ERCC3: variants seen among roughly 807,000 people sequenced by gnomAD.
ERCC3 encodes general transcription and DNA repair factor IIH helicase/translocase subunit XPB.
ERCC3 carries 66 observed loss-of-function variants against 94.2 expected under a neutral mutation model. The ratio of observed to expected loss-of-function variants is 0.70; its 90% CI spans 0.57 to 0.86. ERCC3 has a LOEUF of 0.86. ERCC3 is among the 40% of genes least tolerant of loss of function. The pLI, the probability that ERCC3 is intolerant of heterozygous loss-of-function variation, is 0.00. For missense variants in ERCC3, 829 were observed against 987.1 expected (o/e 0.84, Z 2.15); for synonymous variants, 349 against 369.1 (o/e 0.95, Z 0.63).
At chr2:127,292,210 T>C (rs1030851450) in intron 3 of ERCC3, 11 of 341,126 alleles carry the variant, frequency 3.2e-5, no homozygotes, top group Non-Finnish European at 6.3e-5. Context: ...TACCATTGGA[T>C]ATTAGGTTTT....
Position 127,258,519 on chromosome 2 carries a change from T to C in ERCC3, c.2217+777A>G, listed in dbSNP as rs1684091661. Among the ~76,000 whole-genome samples, 1 of 152,078 alleles carries C rather than the reference T, an allele frequency of 6.6e-6. No homozygotes were observed. Among genetic ancestry groups the C allele is most frequent in the South Asian group, 2.1e-4 (1 of 4,816 alleles). ...ATGAGAGCACTCTCCTGGGTTCCCA[T>C]GGAGAGTGCCCCCTGGGTCGGGGGA... On this transcript the variant is annotated intron_variant, in intron 14 of 14. Coordinates refer to ENST00000285398, the MANE Select transcript of ERCC3 (RefSeq NM_000122.2). This position sits in a 1 kb window ranked among gnomAD's most constrained non-coding sequence, Gnocchi z 4.1.
In ERCC3 at chr2:127,292,858, C is replaced by A. The variant is rs995243169; in HGVS notation, c.235-12G>T. ...TGGCCATCGGGAGCCTGAGAGATAC[C>A]AAATGGACAAAACAGACAAGGAAAC... On this transcript the variant is annotated splice_polypyrimidine_tract_variant and intron_variant, in intron 2 of 14. Coordinates refer to ENST00000285398, the MANE Select transcript of ERCC3 (RefSeq NM_000122.2). 2 of 1,524,012 alleles carry A rather than the reference C, an allele frequency of 1.3e-6. No individual in the cohort carries two copies. Among genetic ancestry groups the A allele is most frequent in the African/African-American group, 1.4e-5 (1 of 73,146 alleles). The allele number at this position is 1,524,012 out of a possible 1,614,324, so 94.4% of individuals were successfully genotyped here. A position where few individuals can be genotyped will look rare whatever the true frequency, so the allele number is the denominator to read the frequency against.
chr2:127,281,694 T>G (rs987633355), intron 8 of ERCC3, among the ~76,000 whole-genome samples: 3 of 152,122 alleles, frequency 2.0e-5, no homozygotes, highest in African/African-American at 7.2e-5. Flanking sequence ...TAGGGTTGCC[T>G]AACTCTAAGT....
chr2:127,290,373 A>G lies in ERCC3; in HGVS notation c.472-100T>C, dbSNP rs536443057. ...CACCTACCAACCAAGTGAAAAGTTC[A>G]TTTTACTTTAGGGAAACCCAACTTG... On this transcript the variant is annotated intron_variant, in intron 3 of 14. Coordinates refer to ENST00000285398, the MANE Select transcript of ERCC3 (RefSeq NM_000122.2). The G allele has an allele frequency of 1.2e-5, 13 of 1,050,272 alleles. No homozygotes were observed. The African/African-American group carries it at 2.0e-4, about 16-fold the overall frequency. 65.1% of individuals were successfully genotyped at this position (1,050,272 alleles called of 1,614,324 possible).
chr2:127,271,449 C>T lies in ERCC3; in HGVS notation c.1832G>A (p.Gly611Asp). Reference protein sequence around the residue: ...KINTIFISKVGDTSFDLPEAN... With the variant: ...KINTIFISKVDDTSFDLPEAN... Reference sequence around the variant, plus strand: ...TTCCGGCAGATCAAACGAAGTGTCACCTACCTACAGAAACAAGTTGGAAGG... The same window carrying T: ...TTCCGGCAGATCAAACGAAGTGTCATCTACCTACAGAAACAAGTTGGAAGG... The change falls in exon 12 of 15, where the codon GGT becomes GAT. Residue 611 changes from glycine (G) to aspartate (D), a missense_variant. Gly to Asp is a moderately conservative substitution (Grantham distance 94). Coordinates refer to ENST00000285398, the MANE Select transcript of ERCC3 (RefSeq NM_000122.2). This position sits in a 1 kb window ranked among gnomAD's most constrained non-coding sequence, Gnocchi z 5.0. 1 of 1,610,824 alleles carries T rather than the reference C, an allele frequency of 6.2e-7. No individual in the cohort carries two copies. Among genetic ancestry groups the T allele is most frequent in the Non-Finnish European group, 8.5e-7 (1 of 1,177,236 alleles).
intron 12 of ERCC3, among the ~76,000 whole-genome samples, chr2:127,266,699 A>G (rs1037683816): frequency 1.4e-5 from 2 of 146,030 alleles, no homozygotes; most frequent in East Asian, 4.1e-4. Flanking sequence ...GGCCAAACAC[A>G]TGATCAATTA....
chr2:127,281,376 G>A (rs1358045258), intron 8 of ERCC3, among the ~76,000 whole-genome samples: 1 of 152,132 alleles, frequency 6.6e-6, no homozygotes, highest in African/African-American at 2.4e-5. Flanking sequence ...AATCACTTTG[G>A]TCAACCAGCA....
At position 127,284,899 on chromosome 2, in the gene ERCC3, C is replaced by A. The variant is rs1379311542; in HGVS notation, c.1342+1804G>T. Among the ~76,000 whole-genome samples, 1 of 152,114 alleles carries A rather than the reference C, an allele frequency of 6.6e-6. No individual in the cohort carries two copies. Among genetic ancestry groups the A allele is most frequent in the Non-Finnish European group, 1.5e-5 (1 of 68,028 alleles). ...GACATGTCTCACTATGTTACCCAGGCTAATCTTAAGCTCCTGGGCTCAAGC... is the reference window on the plus strand; with the variant it reads ...GACATGTCTCACTATGTTACCCAGGATAATCTTAAGCTCCTGGGCTCAAGC... On this transcript the variant is annotated intron_variant, in intron 8 of 14. Coordinates refer to ENST00000285398, the MANE Select transcript of ERCC3 (RefSeq NM_000122.2). This position sits in a 1 kb window ranked among gnomAD's most constrained non-coding sequence, Gnocchi z 4.1.
At chr2:127,261,666 T>A in intron 12 of ERCC3, 1 of 359,060 alleles carries the variant, frequency 2.8e-6, no homozygotes, top group South Asian at 2.3e-5. Context: ...GAGAAGAATA[T>A]GAACAGATTA....
intron 12 of ERCC3, chr2:127,261,772 G>C: frequency 3.9e-6 from 1 of 256,594 alleles, no homozygotes; most frequent in South Asian, 4.7e-5. Context: ...AGCACAATGA[G>C]ATTATCACCT....
chr2:127,279,672 G>T lies in ERCC3; in HGVS notation c.1528-297C>A, dbSNP rs1684845841. Reference sequence around the variant, plus strand: ...AGCTACGCAGGAGGCTAAGGCAGGAGAATCACTTGCCCAGGAGGCGGAGGT... The same window carrying T: ...AGCTACGCAGGAGGCTAAGGCAGGATAATCACTTGCCCAGGAGGCGGAGGT... On this transcript the variant is annotated intron_variant, in intron 9 of 14. Transcript: ENST00000285398. This position sits in a 1 kb window ranked among gnomAD's most constrained non-coding sequence, Gnocchi z 4.7. Among the ~76,000 whole-genome samples, 2 of 151,976 alleles carry T rather than the reference G, an allele frequency of 1.3e-5. No homozygotes were observed. The highest frequency in any genetic ancestry group is 4.2e-4 in the South Asian group (2 of 4,812).
Position 127,258,814 on chromosome 2 carries a change from AAAGTT to A in ERCC3, c.2217+477_2217+481del, listed in dbSNP as rs1190760380. On this transcript the variant is annotated intron_variant, in intron 14 of 14. Transcript: ENST00000285398. This position sits in a 1 kb window ranked among gnomAD's most constrained non-coding sequence, Gnocchi z 4.1. ...ATTTTCACAGAACTCTACATTTTTC[AAAGTT>A]AAGTATCGAAGCTACCACAAGAGTT... is the stretch of plus-strand genomic sequence containing the variant. Among the ~76,000 whole-genome samples, 1 of 152,196 alleles carries A rather than the reference AAAGTT, an allele frequency of 6.6e-6. No individual in the cohort carries two copies. Among genetic ancestry groups the A allele is most frequent in the Admixed American group, 6.5e-5 (1 of 15,288 alleles).
chr2:127,261,462 G>C, intron 12 of ERCC3, 116 bp from the exon 13 acceptor site: 1 of 784,188 alleles, frequency 1.3e-6, no homozygotes, highest in Non-Finnish European at 2.3e-6. Context: ...CCTGCACTCG[G>C]GGTTACCACC....
Position 127,287,969 on chromosome 2 carries a change from A to G in ERCC3, c.1027+691T>C, listed in dbSNP as rs1685134366. Among the ~76,000 whole-genome samples the G allele has an allele frequency of 2.0e-5, 3 of 152,206 alleles. No individual in the cohort carries two copies. The South Asian group carries it at 6.2e-4, about 32-fold the overall frequency. On this transcript the variant is annotated intron_variant, in intron 7 of 14. Transcript: ENST00000285398. Reference sequence around the variant, plus strand: ...ACCAGGAATAAACGTAAATAAAAAAAATTTGTAAAGTGAAATAAAAAAGGA... The same window carrying G: ...ACCAGGAATAAACGTAAATAAAAAAGATTTGTAAAGTGAAATAAAAAAGGA...
Position 127,285,055 on chromosome 2 carries a change from G to A in ERCC3, c.1342+1648C>T, listed in dbSNP as rs4150430. On this transcript the variant is annotated intron_variant, in intron 8 of 14. Transcript: ENST00000285398. ...AAAGATTCGCCCAAAAAACTATACA[G>A]CAATAAAAGGAACAAACTACTGATA... 1.5e-3 allele frequency among the ~76,000 whole-genome samples: 229 copies of A among 152,118 alleles called. 6 individuals carry two copies. The East Asian group carries it at 0.041, about 27-fold the overall frequency.
In ERCC3 at chr2:127,286,785, G is replaced by A. The variant is rs1685081945; in HGVS notation, c.1260C>T (p.Ser420=). ...ACTCCATGACTCGCTCGGCCTCCCA[G>A]GACCTTTTGGTGGTGTGGCCCAGCA... ...YSMLGHTTKR[S]WEAERVMEWL... The change falls in exon 8 of 15, where the codon TCC becomes TCT. Residue 420 remains serine, a synonymous_variant. Coordinates refer to ENST00000285398, the MANE Select transcript of ERCC3 (RefSeq NM_000122.2). The A allele has an allele frequency of 6.2e-7, 1 of 1,614,188 alleles. No individual in the cohort carries two copies. The highest frequency in any genetic ancestry group is 8.5e-7 in the Non-Finnish European group (1 of 1,180,032).
At chr2:127,262,037 T>C (rs1415768053) in intron 12 of ERCC3, 3 of 152,928 alleles carry the variant, frequency 2.0e-5, no homozygotes, top group Admixed American at 6.5e-5. Context: ...ATGAATTTCA[T>C]AGCAGAATTC....
Position 127,257,403 on chromosome 2 carries a change from T to C in ERCC3, c.*193A>G. 1.4e-6 allele frequency: 1 copy of C among 693,084 alleles called. No homozygotes were observed. Among genetic ancestry groups the C allele is most frequent in the Middle Eastern group, 4.1e-4 (1 of 2,412 alleles). 42.9% of individuals were successfully genotyped at this position (693,084 alleles called of 1,614,324 possible). ...ACTCCCCAAAAAGTTTGAAAAAATATTGTCTCCTCCTCCTTTATAAAACCC... is the reference window on the plus strand; with the variant it reads ...ACTCCCCAAAAAGTTTGAAAAAATACTGTCTCCTCCTCCTTTATAAAACCC... On this transcript the variant is annotated 3_prime_UTR_variant, in exon 15 of 15. Transcript: ENST00000285398. The surrounding 1 kb of genome is among the most constrained non-coding windows in gnomAD (Gnocchi z 5.4).
intron 8 of ERCC3, among the ~76,000 whole-genome samples, chr2:127,286,258 T>G (rs1573956617): frequency 6.6e-6 from 1 of 152,120 alleles, no homozygotes; most frequent in Non-Finnish European, 1.5e-5. Context: ...GCATCCCACT[T>G]AAGAATTACT....
Sources: allele counts gnomAD v4.1 joint callset (sites outside exome capture counted in the v4.1 genomes callset), GRCh38; gene constraint gnomAD v4.1.1; non-coding constraint Gnocchi (gnomAD v3.1); transcripts MANE v1.5; gene names NCBI Gene and HGNC (gene_info 2026-07-23, HGNC 2026-07-21).